The following KCNQ1OT1 variants were observed in gnomAD, a reference collection of about 807,000 sequenced individuals.
KCNQ1OT1 encodes KCNQ1 antisense RNA 2 (non-protein coding).
chr11:2,677,821 T>C lies in KCNQ1OT1; in HGVS notation n.22174A>G, dbSNP rs11023738. ...ATTAAAATGTTCATTTATGTTGTGATAGATACTGCCAAATAAGGGCTGTAC... is the reference window on the plus strand; with the variant it reads ...ATTAAAATGTTCATTTATGTTGTGACAGATACTGCCAAATAAGGGCTGTAC... On this transcript the variant is annotated non_coding_transcript_exon_variant, in exon 1 of 1. Transcript: ENST00000597346. This position sits in a 1 kb window ranked among gnomAD's most constrained non-coding sequence, Gnocchi z 4.5. 24,254 of 398,502 alleles carry C rather than the reference T, an allele frequency of 0.061. 839 individuals are homozygous for C. The highest frequency in any genetic ancestry group is 0.086 in the Admixed American group (1,961 of 22,726). The allele number at this position is 398,502 out of a possible 1,614,324, so 24.7% of individuals were successfully genotyped here. A position where few individuals can be genotyped will look rare whatever the true frequency, so the allele number is the denominator to read the frequency against.
exon 1 of KCNQ1OT1, chr11:2,662,310 A>G (rs1849974478): frequency 1.9e-5 from 11 of 590,948 alleles, no homozygotes; most frequent in Non-Finnish European, 3.3e-5. Context: ...GACTTATGGA[A>G]AACCAGACTG....
At chr11:2,699,797 C>T (rs1850760530) in exon 1 of KCNQ1OT1, 8 of 396,728 alleles carry the variant, frequency 2.0e-5, no homozygotes, top group Non-Finnish European at 3.1e-5. Context: ...CGCCGAGGGG[C>T]GCGCCGGGGA....
At position 2,677,434 on chromosome 11, in the gene KCNQ1OT1, A is replaced by G. The variant is rs1215907599; in HGVS notation, n.22561T>C. 5.0e-6 allele frequency: 2 copies of G among 398,460 alleles called. No homozygotes were observed. The allele number at this position is 398,460 out of a possible 1,614,324, so 24.7% of individuals were successfully genotyped here. A position where few individuals can be genotyped will look rare whatever the true frequency, so the allele number is the denominator to read the frequency against. ...ATTTCAGAGGACAGCAGGGGAGATG[A>G]TAATTGATGCAGGTGGCCTCTTGGT... On this transcript the variant is annotated non_coding_transcript_exon_variant, in exon 1 of 1. Transcript: ENST00000597346. The surrounding 1 kb of genome is among the most constrained non-coding windows in gnomAD (Gnocchi z 4.5).
exon 1 of KCNQ1OT1, chr11:2,686,624 C>G (rs1315810152): frequency 2.5e-6 from 1 of 398,526 alleles, no homozygotes; most frequent in Non-Finnish European, 4.4e-6. Flanking sequence ...AGCGTGGCTG[C>G]CCTCAGGCCC....
chr11:2,697,930 A>G (rs1423559194), exon 1 of KCNQ1OT1: 15 of 398,652 alleles, frequency 3.8e-5, no homozygotes, highest in Non-Finnish European at 5.3e-5. Flanking sequence ...TCTCCTCAGC[A>G]TGTTAGGAAA....
chr11:2,648,799 A>G, exon 1 of KCNQ1OT1: 2 of 398,506 alleles, frequency 5.0e-6, no homozygotes, highest in Admixed American at 8.8e-5. Context: ...AATGCTGAGT[A>G]TGAAATGTTG....
At chr11:2,660,798 G>A in exon 1 of KCNQ1OT1, 1 of 398,576 alleles carries the variant, frequency 2.5e-6, no homozygotes, top group Non-Finnish European at 4.4e-6. Context: ...AAGCAATCTA[G>A]CAACATTTAT....
At chr11:2,637,022 G>T (rs910366170) in exon 1 of KCNQ1OT1, 1 of 151,940 alleles carries the variant, frequency 6.6e-6, no homozygotes, top group Non-Finnish European at 1.5e-5. Flanking sequence ...CTGTGGGATC[G>T]GTGGTGATAT....
chr11:2,679,193 A>G lies in KCNQ1OT1; in HGVS notation n.20802T>C. ...TCCATGTCTGAGTTAGGCCACCTGT[A>G]ACAATGCAGCCCCATCCATGTGAAG... On this transcript the variant is annotated non_coding_transcript_exon_variant, in exon 1 of 1. Coordinates refer to ENST00000597346, the Ensembl canonical transcript of KCNQ1OT1. This position sits in a 1 kb window ranked among gnomAD's most constrained non-coding sequence, Gnocchi z 4.8. 2.5e-6 allele frequency: 1 copy of G among 398,628 alleles called. No homozygotes were observed. Among genetic ancestry groups the G allele is most frequent in the Non-Finnish European group, 4.4e-6 (1 of 226,088 alleles). 24.7% of individuals were successfully genotyped at this position (398,628 alleles called of 1,614,324 possible). A position where few individuals can be genotyped will look rare whatever the true frequency, so the allele number is the denominator to read the frequency against.
rs1849885508 is a variant in KCNQ1OT1, at chr11:2,658,148, A to T, written n.41847T>A. 5.0e-6 allele frequency: 2 copies of T among 398,522 alleles called. No individual in the cohort carries two copies. Among genetic ancestry groups the T allele is most frequent in the Non-Finnish European group, 8.8e-6 (2 of 226,064 alleles). 24.7% of individuals were successfully genotyped at this position (398,522 alleles called of 1,614,324 possible). On this transcript the variant is annotated non_coding_transcript_exon_variant, in exon 1 of 1. Coordinates refer to ENST00000597346, the Ensembl canonical transcript of KCNQ1OT1. The surrounding 1 kb of genome is among the most constrained non-coding windows in gnomAD (Gnocchi z 4.9). Reference sequence around the variant, plus strand: ...CAAATATGTTAAAACTACCACAGCAATTAAAATACATTTCAAGGAAGAAAC... The same window carrying T: ...CAAATATGTTAAAACTACCACAGCATTTAAAATACATTTCAAGGAAGAAAC...
In KCNQ1OT1 at chr11:2,687,628, C is replaced by G. The variant is rs944764809; in HGVS notation, n.12367G>C. 1 of 398,612 alleles carries G rather than the reference C, an allele frequency of 2.5e-6. No individual in the cohort carries two copies. Among genetic ancestry groups the G allele is most frequent in the Non-Finnish European group, 4.4e-6 (1 of 226,160 alleles). The allele number at this position is 398,612 out of a possible 1,614,324, so 24.7% of individuals were successfully genotyped here. The stretch of plus-strand genomic sequence containing the variant: ...GCAGAGATCCCTTCTCCATTCCTCT[C>G]AGGCCCCTGTAAAAATTGGGACCTG... On this transcript the variant is annotated non_coding_transcript_exon_variant, in exon 1 of 1. Coordinates refer to ENST00000597346, the Ensembl canonical transcript of KCNQ1OT1. This position sits in a 1 kb window ranked among gnomAD's most constrained non-coding sequence, Gnocchi z 5.0.
At chr11:2,697,290 C>T in exon 1 of KCNQ1OT1, 1 of 398,562 alleles carries the variant, frequency 2.5e-6, no homozygotes, top group Non-Finnish European at 4.4e-6. Context: ...CAAGTCGTAA[C>T]ACCAAAATGT....
exon 1 of KCNQ1OT1, chr11:2,694,150 AGGG>A: frequency 2.5e-6 from 1 of 398,690 alleles, no homozygotes; most frequent in Non-Finnish European, 4.4e-6. Context: ...ACTGCTGACC[AGGG>A]AAGAGGGTAC....
exon 1 of KCNQ1OT1, chr11:2,646,467 G>T: frequency 2.5e-6 from 1 of 398,564 alleles, no homozygotes; most frequent in Non-Finnish European, 4.4e-6. Flanking sequence ...AAATGGGATT[G>T]CTTTCTTCAT....
chr11:2,630,180 T>C (rs4271371), exon 1 of KCNQ1OT1: 360,951 of 398,152 alleles, frequency 0.91, 163,852 homozygotes, highest in East Asian at 0.99. Flanking sequence ...AATGATTGTA[T>C]GATTTTTATC....
chr11:2,647,994 G>A lies in KCNQ1OT1; in HGVS notation n.52001C>T, dbSNP rs957451864. 5.0e-5 allele frequency: 20 copies of A among 396,668 alleles called. No individual in the cohort carries two copies. Among genetic ancestry groups the A allele is most frequent in the Non-Finnish European group, 7.5e-5 (17 of 225,896 alleles). The allele number at this position is 396,668 out of a possible 1,614,324, so 24.6% of individuals were successfully genotyped here. On this transcript the variant is annotated non_coding_transcript_exon_variant, in exon 1 of 1. Transcript: ENST00000597346. This position sits in a 1 kb window ranked among gnomAD's most constrained non-coding sequence, Gnocchi z 4.0. ...TTTGGAAGGCCAAGGCAGGCCGATC[G>A]CTTGAGTCCAGGAGTTTGAGACCAG...
In KCNQ1OT1 at chr11:2,674,575, G is replaced by T. The variant is rs1382454299; in HGVS notation, n.25420C>A. 1 of 398,514 alleles carries T rather than the reference G, an allele frequency of 2.5e-6. No homozygotes were observed. The highest frequency in any genetic ancestry group is 2.1e-5 in the African/African-American group (1 of 48,620). The allele number at this position is 398,514 out of a possible 1,614,324, so 24.7% of individuals were successfully genotyped here. A position where few individuals can be genotyped will look rare whatever the true frequency, so the allele number is the denominator to read the frequency against. On this transcript the variant is annotated non_coding_transcript_exon_variant, in exon 1 of 1. Transcript: ENST00000597346. This position sits in a 1 kb window ranked among gnomAD's most constrained non-coding sequence, Gnocchi z 5.9. ...CCTCGAGTGAGTGAATCTGAAGCAT[G>T]CTAGTTGTGTTGCCTTTTAAATAGG...
Position 2,625,771 on chromosome 11 carries a change from C to A in KCNQ1OT1, n.74224G>T, listed in dbSNP as rs562123353. ...TTTTTAGTAGAGACGGGGTTTCACC[C>A]TGTTAGCCAGGATGGTCTCAATCTC... On this transcript the variant is annotated non_coding_transcript_exon_variant, in exon 1 of 1. Transcript: ENST00000597346. The A allele has an allele frequency of 6.5e-5, 26 of 397,396 alleles. No homozygotes were observed. The South Asian group carries it at 3.2e-3, about 49-fold the overall frequency. The allele number at this position is 397,396 out of a possible 1,614,324, so 24.6% of individuals were successfully genotyped here.
At chr11:2,660,200 T>C (rs892004645) in exon 1 of KCNQ1OT1, 2 of 398,390 alleles carry the variant, frequency 5.0e-6, no homozygotes, top group Non-Finnish European at 8.9e-6. Flanking sequence ...TTTTTTTCAG[T>C]AAGTTTGTAT....
Sources: allele counts gnomAD v4.1 joint callset, GRCh38; gene constraint gnomAD v4.1.1; non-coding constraint Gnocchi (gnomAD v3.1); transcripts MANE v1.5; gene names NCBI Gene and HGNC (gene_info 2026-07-23, HGNC 2026-07-21).